The following SORBS2 variants were observed in gnomAD, a reference collection of about 807,000 sequenced individuals.
SORBS2 encodes sorbin and SH3 domain-containing protein 2.
Under a neutral mutation model 97.7 loss-of-function variants are expected in SORBS2, and 46 were observed. The ratio of observed to expected loss-of-function variants is 0.47; its 90% CI spans 0.37 to 0.60. SORBS2 has a LOEUF of 0.60. Ranked by LOEUF, SORBS2 falls within the 20% of genes least tolerant of loss-of-function variation. The probability of loss-of-function intolerance (pLI) is 0.00; values close to 1 mark genes in which losing one functional copy is unlikely to be tolerated. For synonymous variants in SORBS2, 476 were observed against 473.4 expected, an observed-to-expected ratio of 1.01 and a Z score of -0.07; for missense variants, 1,316 against 1,282.3, an observed-to-expected ratio of 1.03 and a Z score of -0.40.
At chr4:185,848,708 G>A (rs59960884) in intron 1 of SORBS2, among the ~76,000 whole-genome samples, 2,255 of 135,688 alleles carry the variant, frequency 0.017, 45 homozygotes, top group South Asian at 0.055. Context: ...AAACTCTTGG[G>A]CTCAATGGAT....
chr4:185,674,145 T>A (rs570131947), intron 4 of SORBS2, among the ~76,000 whole-genome samples: 2 of 152,142 alleles, frequency 1.3e-5, no homozygotes, highest in South Asian at 2.1e-4. Context: ...GGCTCTTACA[T>A]CCAAATGCTC....
intron 4 of SORBS2, chr4:185,645,895 A>T (rs1362199497): frequency 6.6e-6 from 1 of 152,234 alleles, no homozygotes; most frequent in African/African-American, 2.4e-5. Context: ...AAAACCAAAG[A>T]AGGCCAAGGG....
chr4:185,718,009 C>T (rs1400450024), intron 2 of SORBS2, among the ~76,000 whole-genome samples: 2 of 152,102 alleles, frequency 1.3e-5, no homozygotes, highest in African/African-American at 4.8e-5. Context: ...GGGAGGTGGA[C>T]CACTTGAGGT....
chr4:185,905,114 A>C (rs1579406747), intron 1 of SORBS2, among the ~76,000 whole-genome samples: 1 of 150,810 alleles, frequency 6.6e-6, no homozygotes, highest in Non-Finnish European at 1.5e-5. Flanking sequence ...AAAAAAAAAA[A>C]GAAAGAAAGA....
chr4:185,733,144 C>T lies in SORBS2; in HGVS notation c.-198+42083G>A, dbSNP rs113184102. Among the ~76,000 whole-genome samples the T allele has an allele frequency of 8.7e-3, 1,327 of 152,342 alleles. 17 individuals carry two copies. The highest frequency in any genetic ancestry group is 0.017 in the Middle Eastern group (5 of 294). On this transcript the variant is annotated intron_variant, in intron 2 of 20. Transcript: ENST00000284776. ...CCCAATTGGTTGCACTTTGTTGCAG[C>T]GCTCTAGAAACTGATACAGTGGCTC...
chr4:185,770,058 T>G (rs908032351), intron 2 of SORBS2, among the ~76,000 whole-genome samples: 1 of 150,268 alleles, frequency 6.7e-6, no homozygotes, highest in African/African-American at 2.5e-5. Flanking sequence ...CTCTGAGAAA[T>G]GAGAGGCATT....
intron 1 of SORBS2, among the ~76,000 whole-genome samples, chr4:185,886,984 A>G (rs56130639): frequency 0.35 from 52,574 of 152,030 alleles, 9,192 homozygotes; most frequent in East Asian, 0.55. Flanking sequence ...TAGAATGGCC[A>G]AAGAGGAAGG....
At chr4:185,780,498 T>C (rs2153634273) in intron 1 of SORBS2, among the ~76,000 whole-genome samples, 1 of 152,088 alleles carries the variant, frequency 6.6e-6, no homozygotes. Flanking sequence ...GGCTGGAAAC[T>C]AAAGCCCATA....
At chr4:185,841,319 T>C (rs942458827) in intron 1 of SORBS2, among the ~76,000 whole-genome samples, 5 of 151,822 alleles carry the variant, frequency 3.3e-5, no homozygotes, top group African/African-American at 9.7e-5. Context: ...GAGGCAAAGG[T>C]TGGGGGGAGA....
intron 1 of SORBS2, among the ~76,000 whole-genome samples, chr4:185,953,963 C>G (rs141784856): frequency 6.6e-6 from 1 of 152,212 alleles, no homozygotes; most frequent in African/African-American, 2.4e-5. Context: ...CGGAGGGAGA[C>G]GTCCTTTCTT....
chr4:185,620,922 G>A (rs184104169), intron 7 of SORBS2, among the ~76,000 whole-genome samples: 224 of 152,296 alleles, frequency 1.5e-3, no homozygotes, highest in Non-Finnish European at 1.9e-3. Flanking sequence ...TTAAAGCAAA[G>A]CATAAATAAT....
chr4:185,889,183 C>T (rs973370034), intron 1 of SORBS2, among the ~76,000 whole-genome samples: 2 of 152,200 alleles, frequency 1.3e-5, no homozygotes, highest in Non-Finnish European at 2.9e-5. Context: ...ATCATTGGCG[C>T]CTCCTCTGGA....
chr4:185,703,910 G>A (rs1459179242), intron 2 of SORBS2, among the ~76,000 whole-genome samples: 2 of 152,246 alleles, frequency 1.3e-5, no homozygotes, highest in East Asian at 1.9e-4. Flanking sequence ...AAAAGGCAAC[G>A]TATTTTCCTT....
At chr4:185,604,949 G>T (rs2096372022) in intron 12 of SORBS2, among the ~76,000 whole-genome samples, 1 of 152,106 alleles carries the variant, frequency 6.6e-6, no homozygotes, top group South Asian at 2.1e-4. Context: ...GCTGGTGCTG[G>T]GATGAGCCGG....
At chr4:185,838,174 C>G (rs1272408040) in intron 1 of SORBS2, among the ~76,000 whole-genome samples, 1 of 152,250 alleles carries the variant, frequency 6.6e-6, no homozygotes, top group African/African-American at 2.4e-5. Flanking sequence ...GGGACCCATA[C>G]TACCTGCACC....
At chr4:185,720,097 C>A (rs2153559102) in intron 2 of SORBS2, among the ~76,000 whole-genome samples, 2 of 152,302 alleles carry the variant, frequency 1.3e-5, no homozygotes, top group South Asian at 4.2e-4. Context: ...CCCTCTTGAC[C>A]ACCAAGGGAA....
chr4:185,613,508 T>A (rs905586594), intron 11 of SORBS2, among the ~76,000 whole-genome samples: 3 of 99,540 alleles, frequency 3.0e-5, no homozygotes, highest in African/African-American at 9.4e-5. Flanking sequence ...ATTAGCCGGG[T>A]GTGGTGGCGG....
chr4:185,628,033 T>C (rs566708126), intron 5 of SORBS2, among the ~76,000 whole-genome samples: 1 of 152,308 alleles, frequency 6.6e-6, no homozygotes, highest in South Asian at 2.1e-4. Context: ...TATTGCTGAG[T>C]CACATTCTAT....
intron 1 of SORBS2, among the ~76,000 whole-genome samples, chr4:185,828,522 G>C (rs138283387): frequency 1.3e-5 from 2 of 151,918 alleles, no homozygotes; most frequent in Admixed American, 6.6e-5. Flanking sequence ...ATCCTTGAAG[G>C]CTCCTGGTCA....
Sources: gnomAD v4.1 joint callset for allele counts (sites outside exome capture counted in the v4.1 genomes callset) on GRCh38, gnomAD v4.1.1 for gene constraint, MANE v1.5 for transcripts, NCBI Gene and HGNC (gene_info 2026-07-23, HGNC 2026-07-21) for gene names.